EPHA6: variants seen among roughly 807,000 people sequenced by gnomAD.
The protein encoded by EPHA6 is EPH receptor A6, also known as ephrin type-A receptor 6.
In EPHA6, 50 loss-of-function variants were observed where a neutral mutation model predicts 112.0. The observed-to-expected ratio is 0.45, with a 90% CI of 0.36 to 0.56. The LOEUF (loss-of-function observed/expected upper bound fraction) is 0.56. Among genes scored for constraint, EPHA6 ranks in the 20% least tolerant of loss-of-function variants. The pLI is 0.00. For synonymous variants in EPHA6, 529 were observed against 490.7 expected (o/e 1.08, Z -1.03); for missense variants, 1,280 against 1,417.4 (o/e 0.90, Z 1.56).
At chr3:97,287,381 C>T (rs555802442) in intron 5 of EPHA6, among the ~76,000 whole-genome samples, 1 of 151,974 alleles carries the variant, frequency 6.6e-6, no homozygotes, top group Non-Finnish European at 1.5e-5. Context: ...TTAACAATGG[C>T]GTGAACCTGG....
At chr3:97,167,780 C>T (rs566567983) in intron 3 of EPHA6, among the ~76,000 whole-genome samples, 5 of 151,834 alleles carry the variant, frequency 3.3e-5, no homozygotes, top group African/African-American at 9.7e-5. Context: ...AAACAGTATT[C>T]TTTAGTATTA....
chr3:97,652,587 G>A (rs2094114571), intron 14 of EPHA6, among the ~76,000 whole-genome samples: 1 of 152,054 alleles, frequency 6.6e-6, no homozygotes, highest in East Asian at 1.9e-4. Flanking sequence ...ATAGGTTTGA[G>A]TGGGGAGCTT....
chr3:97,023,287 G>T (rs1206538233), intron 3 of EPHA6, among the ~76,000 whole-genome samples: 1 of 152,060 alleles, frequency 6.6e-6, no homozygotes, highest in Non-Finnish European at 1.5e-5. Context: ...CACTGAGTTA[G>T]CCAGGATGGT....
intron 6 of EPHA6, among the ~76,000 whole-genome samples, chr3:97,427,864 A>T (rs2089254190): frequency 6.6e-6 from 1 of 151,952 alleles, no homozygotes; most frequent in Admixed American, 6.6e-5. Flanking sequence ...TGGTAGTTAA[A>T]TGTTGACTAT....
At chr3:97,315,253 C>T (rs1272117667) in intron 5 of EPHA6, among the ~76,000 whole-genome samples, 1 of 151,652 alleles carries the variant, frequency 6.6e-6, no homozygotes, top group African/African-American at 2.4e-5. Context: ...CTTTCCACAT[C>T]ACTTTTTTAC....
intron 14 of EPHA6, among the ~76,000 whole-genome samples, chr3:97,688,723 T>TA (rs200236239): frequency 0.097 from 13,723 of 141,426 alleles, 1,027 homozygotes; most frequent in African/African-American, 0.22. Flanking sequence ...TAAAGTATAA[T>TA]AAAAAAAAAA....
At chr3:97,345,971 G>T (rs982506695) in intron 5 of EPHA6, among the ~76,000 whole-genome samples, 5 of 152,000 alleles carry the variant, frequency 3.3e-5, no homozygotes, top group Admixed American at 6.6e-5. Context: ...TGAAAAAATT[G>T]TCACAAAAAT....
At chr3:97,569,986 A>C (rs1011018487) in intron 11 of EPHA6, 9 of 152,192 alleles carry the variant, frequency 5.9e-5, no homozygotes, top group Non-Finnish European at 1.5e-5. Flanking sequence ...AACCTTGTTG[A>C]ATTTTACCTA....
intron 3 of EPHA6, among the ~76,000 whole-genome samples, chr3:96,988,856 T>C (rs2043115030): frequency 6.6e-6 from 1 of 152,160 alleles, no homozygotes; most frequent in Non-Finnish European, 1.5e-5. Flanking sequence ...ATAATTTTCG[T>C]GATGAAACAT....
At chr3:97,589,882 A>G (rs975786374) in intron 11 of EPHA6, among the ~76,000 whole-genome samples, 21 of 152,334 alleles carry the variant, frequency 1.4e-4, no homozygotes, top group African/African-American at 4.8e-4. Flanking sequence ...CTTTTTAGCT[A>G]CAATATCATT....
At chr3:97,208,432 C>T (rs1013440533) in intron 3 of EPHA6, among the ~76,000 whole-genome samples, 1 of 152,110 alleles carries the variant, frequency 6.6e-6, no homozygotes, top group Non-Finnish European at 1.5e-5. Flanking sequence ...AGTTCAGGCA[C>T]TACAGCTGGA....
At chr3:97,097,985 G>A (rs192385393) in intron 3 of EPHA6, among the ~76,000 whole-genome samples, 153 of 151,944 alleles carry the variant, frequency 1.0e-3, no homozygotes, top group African/African-American at 3.4e-3. Context: ...TGAATCTTAC[G>A]TTTAAGAATT....
chr3:97,442,440 G>A (rs933950436), intron 6 of EPHA6, among the ~76,000 whole-genome samples: 4 of 152,052 alleles, frequency 2.6e-5, no homozygotes, highest in Non-Finnish European at 5.9e-5. Context: ...ACAAAAATTA[G>A]CCAAGTGTGG....
chr3:97,385,162 A>G (rs2085985975), intron 5 of EPHA6, among the ~76,000 whole-genome samples: 1 of 152,208 alleles, frequency 6.6e-6, no homozygotes, highest in African/African-American at 2.4e-5. Flanking sequence ...TTTTATAACC[A>G]TAAAAATTAG....
chr3:97,582,566 C>T (rs1296281653), intron 11 of EPHA6, among the ~76,000 whole-genome samples: 1 of 152,120 alleles, frequency 6.6e-6, no homozygotes, highest in African/African-American at 2.4e-5. Context: ...CCACCAGTAC[C>T]ATTGCATACA....
intron 11 of EPHA6, among the ~76,000 whole-genome samples, chr3:97,555,605 T>C (rs939245069): frequency 6.6e-6 from 1 of 152,208 alleles, no homozygotes; most frequent in African/African-American, 2.4e-5. Context: ...CCTGACTTTT[T>C]AATGATTGCC....
At chr3:97,567,556 A>C (rs2093283589) in intron 11 of EPHA6, among the ~76,000 whole-genome samples, 1 of 152,262 alleles carries the variant, frequency 6.6e-6, no homozygotes, top group African/African-American at 2.4e-5. Context: ...AATATGACCA[A>C]TGAAGTCCTA....
intron 5 of EPHA6, among the ~76,000 whole-genome samples, chr3:97,300,743 A>C (rs1464558234): frequency 6.6e-6 from 1 of 152,146 alleles, no homozygotes; most frequent in African/African-American, 2.4e-5. Flanking sequence ...AAGAAGTCCA[A>C]TATACTTGCA....
intron 2 of EPHA6, among the ~76,000 whole-genome samples, chr3:96,874,246 T>A (rs2036814266): frequency 6.6e-6 from 1 of 152,158 alleles, no homozygotes; most frequent in Non-Finnish European, 1.5e-5. Flanking sequence ...TAATTTTCCT[T>A]TGAAGCTTAA....
Sources: allele counts gnomAD v4.1 joint callset (sites outside exome capture counted in the v4.1 genomes callset), GRCh38; gene constraint gnomAD v4.1.1; transcripts MANE v1.5; gene names NCBI Gene and HGNC (gene_info 2026-07-23, HGNC 2026-07-21).